The following PLCB1 variants were observed in gnomAD, a reference collection of about 807,000 sequenced individuals.
The protein encoded by PLCB1 is 1-phosphatidylinositol 4,5-bisphosphate phosphodiesterase beta-1.
PLCB1 carries 46 observed loss-of-function variants against 161.8 expected under a neutral mutation model. The observed-to-expected ratio is 0.28, with a 90% CI of 0.22 to 0.36. The LOEUF is 0.36. Ranked by LOEUF, PLCB1 falls within the 10% of genes least tolerant of loss-of-function variation. PLCB1 has a pLI of 1.00. For missense variants in PLCB1, 1,016 were observed against 1,472.5 expected (o/e 0.69, Z 5.07); for synonymous variants, 517 against 503.7 (o/e 1.03, Z -0.35).
chr20:8,321,521 G>T (rs752214301), intron 2 of PLCB1, among the ~76,000 whole-genome samples: 1 of 152,032 alleles, frequency 6.6e-6, no homozygotes. Context: ...AGACATTGGG[G>T]GAGTGATATG....
At chr20:8,371,731 A>G in intron 3 of PLCB1, 1 of 320,740 alleles carries the variant, frequency 3.1e-6, no homozygotes, top group Non-Finnish European at 5.7e-6. Context: ...GTAATTCTAA[A>G]TGATTAAAAA....
chr20:8,573,898 T>G (rs1431507814), intron 3 of PLCB1, among the ~76,000 whole-genome samples: 2 of 152,240 alleles, frequency 1.3e-5, no homozygotes, highest in Non-Finnish European at 2.9e-5. Context: ...TCAGGGTAAT[T>G]ACACATTTAC....
intron 13 of PLCB1, 86 bp downstream of exon 13, chr20:8,716,434 T>A: frequency 2.1e-6 from 2 of 966,382 alleles, no homozygotes; most frequent in Non-Finnish European, 3.3e-6. Context: ...CTTTTCATAT[T>A]TATGTTTCTT....
chr20:8,149,944 C>G (rs2051492508), intron 1 of PLCB1, among the ~76,000 whole-genome samples: 2 of 151,986 alleles, frequency 1.3e-5, no homozygotes, highest in South Asian at 4.1e-4. Flanking sequence ...TATTCTTAAG[C>G]ATGGATTTTA....
chr20:8,744,666 A>AATAAAAT (rs1432172231), intron 23 of PLCB1, among the ~76,000 whole-genome samples: 3 of 150,026 alleles, frequency 2.0e-5, no homozygotes, highest in African/African-American at 7.5e-5. Flanking sequence ...AAAAAAATAA[A>AATAAAAT]ATTGTTTGTA....
intron 3 of PLCB1, among the ~76,000 whole-genome samples, chr20:8,473,584 A>G (rs1345777859): frequency 6.6e-6 from 1 of 152,194 alleles, no homozygotes; most frequent in Non-Finnish European, 1.5e-5. Context: ...TTATCATTTC[A>G]ACAGGTGCCA....
intron 25 of PLCB1, among the ~76,000 whole-genome samples, chr20:8,763,852 A>C (rs2123581917): frequency 6.6e-6 from 1 of 152,130 alleles, no homozygotes; most frequent in Non-Finnish European, 1.5e-5. Flanking sequence ...TATCACATTC[A>C]AAGTTTTCTC....
chr20:8,242,295 T>G (rs1466698679), intron 2 of PLCB1, among the ~76,000 whole-genome samples: 1 of 151,974 alleles, frequency 6.6e-6, no homozygotes, highest in Non-Finnish European at 1.5e-5. Flanking sequence ...ACGGGCCAGA[T>G]GTCTATCCCT....
chr20:8,391,268 A>T (rs1046224045), intron 3 of PLCB1, among the ~76,000 whole-genome samples: 1 of 152,062 alleles, frequency 6.6e-6, no homozygotes, highest in African/African-American at 2.4e-5. Context: ...TAGAAAAATG[A>T]ACTTGAGGCA....
chr20:8,788,579 AAAT>A, intron 28 of PLCB1, 51 bp from the exon 29 acceptor site: 44 of 1,597,488 alleles, frequency 2.8e-5, no homozygotes, highest in Non-Finnish European at 3.3e-5. Context: ...TATTCAACAC[AAAT>A]TCCCATCTGA....
intron 3 of PLCB1, among the ~76,000 whole-genome samples, chr20:8,589,610 CTTTTT>C (rs71183102): frequency 1.2e-5 from 1 of 80,126 alleles, no homozygotes; most frequent in South Asian, 5.2e-4. Context: ...CAATCTCTCT[CTTTTT>C]TTTTTTTTTT....
At chr20:8,618,890 A>G (rs1988102266) in intron 3 of PLCB1, among the ~76,000 whole-genome samples, 2 of 152,194 alleles carry the variant, frequency 1.3e-5, no homozygotes, top group South Asian at 4.1e-4. Flanking sequence ...TTTATGTATT[A>G]TAGAATATAG....
intron 31 of PLCB1, among the ~76,000 whole-genome samples, chr20:8,831,943 T>C (rs184169177): frequency 4.9e-4 from 50 of 102,982 alleles, no homozygotes; most frequent in African/African-American, 1.4e-3. Flanking sequence ...TCTTTCTTTC[T>C]TTCTTTCTTT....
chr20:8,336,405 A>T (rs917644481), intron 2 of PLCB1, among the ~76,000 whole-genome samples: 4 of 152,216 alleles, frequency 2.6e-5, no homozygotes, highest in African/African-American at 9.6e-5. Context: ...CATTCTATGA[A>T]TTGGGAGTAT....
chr20:8,404,536 A>G (rs1346550063), intron 3 of PLCB1, among the ~76,000 whole-genome samples: 1 of 152,248 alleles, frequency 6.6e-6, no homozygotes, highest in Non-Finnish European at 1.5e-5. Flanking sequence ...TCCCCTGAGA[A>G]GCAGGATGTC....
intron 3 of PLCB1, among the ~76,000 whole-genome samples, chr20:8,424,449 G>A (rs1979664258): frequency 6.6e-6 from 1 of 152,076 alleles, no homozygotes. Context: ...TTTTAGTATG[G>A]AGAGGCTCAT....
chr20:8,595,189 C>T (rs1192564017), intron 3 of PLCB1, among the ~76,000 whole-genome samples: 6 of 150,350 alleles, frequency 4.0e-5, no homozygotes, highest in South Asian at 2.1e-4. Context: ...CATGCTGGTA[C>T]GCTGCACCCA....
intron 2 of PLCB1, among the ~76,000 whole-genome samples, chr20:8,174,449 A>G (rs572018398): frequency 6.6e-6 from 1 of 152,320 alleles, no homozygotes; most frequent in South Asian, 2.1e-4. Context: ...AGACCCACCC[A>G]TTAAGATTGA....
intron 2 of PLCB1, among the ~76,000 whole-genome samples, chr20:8,197,091 C>T (rs1363812523): frequency 6.6e-6 from 1 of 152,080 alleles, no homozygotes; most frequent in Non-Finnish European, 1.5e-5. Context: ...GGGTTGGTTC[C>T]AAGTCTTTGC....
Sources: gnomAD v4.1 joint callset for allele counts (sites outside exome capture counted in the v4.1 genomes callset) on GRCh38, gnomAD v4.1.1 for gene constraint, MANE v1.5 for transcripts, NCBI Gene and HGNC (gene_info 2026-07-23, HGNC 2026-07-21) for gene names.